WNK1: variants seen among roughly 807,000 people sequenced by gnomAD.
The protein encoded by WNK1 is serine/threonine-protein kinase WNK1.
In WNK1, 38 loss-of-function variants were observed where a neutral mutation model predicts 222.8. That is an observed-to-expected ratio of 0.17 (90% CI 0.13 to 0.22). The LOEUF (loss-of-function observed/expected upper bound fraction) is 0.22. Ranked by LOEUF, WNK1 falls within the 10% of genes least tolerant of loss-of-function variation. The pLI, the probability that WNK1 is intolerant of heterozygous loss-of-function variation, is 1.00. For synonymous variants in WNK1, 1,090 were observed against 1,092.9 expected, an observed-to-expected ratio of 1.00 and a Z score of 0.05; for missense variants, 2,348 against 2,918.4, an observed-to-expected ratio of 0.80 and a Z score of 4.50.
chr12:789,446 A>AT (rs1453498039), intron 1 of WNK1, among the ~76,000 whole-genome samples: 1 of 150,094 alleles, frequency 6.7e-6, no homozygotes, highest in Non-Finnish European at 1.5e-5. Flanking sequence ...TAAAATTTAG[A>AT]TTTTGTCCCC....
chr12:857,295 A>C, intron 5 of WNK1, 46 bp downstream of exon 5: 1 of 1,526,034 alleles, frequency 6.6e-7, no homozygotes, highest in Non-Finnish European at 9.1e-7. Flanking sequence ...CAAAACCTAA[A>C]AAGTAATGTG....
At chr12:877,893 GGGAAA>G (rs1952773448) in intron 9 of WNK1, 1 of 360,922 alleles carries the variant, frequency 2.8e-6, no homozygotes, top group Non-Finnish European at 5.3e-6. Flanking sequence ...GGATGGGATG[GGGAAA>G]GGAACTGTCT....
intron 1 of WNK1, among the ~76,000 whole-genome samples, chr12:767,672 A>G (rs535987533): frequency 1.4e-4 from 21 of 152,210 alleles, no homozygotes; most frequent in African/African-American, 4.8e-4. Context: ...GTGTGGGTTC[A>G]GGGTGAGGGA....
In WNK1 at chr12:753,440, T is replaced by G. The variant is rs1315919721; in HGVS notation, c.-126T>G. 50 of 1,280,378 alleles carry G rather than the reference T, an allele frequency of 3.9e-5. 2 individuals carry two copies. The South Asian group carries it at 6.1e-4, about 16-fold the overall frequency. The allele number at this position is 1,280,378 out of a possible 1,614,324, so 79.3% of individuals were successfully genotyped here. On this transcript the variant is annotated 5_prime_UTR_variant, in exon 1 of 28. Transcript: ENST00000315939. The surrounding 1 kb of genome is among the most constrained non-coding windows in gnomAD (Gnocchi z 5.2). ...CGGCTTGTCGGTGCTGAGTGAGGCGTCGTCCGGGTCGGCGCGAACCCGCCC... is the reference window on the plus strand; with the variant it reads ...CGGCTTGTCGGTGCTGAGTGAGGCGGCGTCCGGGTCGGCGCGAACCCGCCC...
At position 885,900 on chromosome 12, in the gene WNK1, C is replaced by G; in HGVS notation, c.5096C>G (p.Pro1699Arg). 1.2e-6 allele frequency: 2 copies of G among 1,609,546 alleles called. No individual in the cohort carries two copies. Among genetic ancestry groups the G allele is most frequent in the Non-Finnish European group, 1.7e-6 (2 of 1,176,924 alleles). Reference protein sequence around the residue: ...TPGIPTTAVAPSKLLTSTTST... With the variant: ...TPGIPTTAVARSKLLTSTTST... ...GGCATCCCAACTACTGCTGTTGCAC[C>G]AAGCAAACTCCTGACTTCTACCACA... Residue 1699 changes from proline to arginine, a missense_variant, in exon 19 of 28, where the codon CCA (proline) becomes CGA (arginine). Transcript: ENST00000315939.
chr12:848,949 GT>G (rs1408459215), intron 4 of WNK1, among the ~76,000 whole-genome samples: 2 of 152,114 alleles, frequency 1.3e-5, no homozygotes, highest in African/African-American at 4.8e-5. Flanking sequence ...GCCTAATAGA[GT>G]TTTAAAACTA....
chr12:843,088 A>G (rs1433622710), intron 4 of WNK1, among the ~76,000 whole-genome samples: 1 of 152,180 alleles, frequency 6.6e-6, no homozygotes, highest in Non-Finnish European at 1.5e-5. Context: ...GGCACCCGCC[A>G]CCATGCCCAA....
intron 1 of WNK1, among the ~76,000 whole-genome samples, chr12:768,935 G>A (rs970658157): frequency 2.9e-4 from 44 of 149,804 alleles, no homozygotes; most frequent in African/African-American, 9.8e-4. Context: ...TCAGCCTCCC[G>A]AGTAGCTGGG....
chr12:794,290 G>A (rs1349058348), intron 1 of WNK1, among the ~76,000 whole-genome samples: 1 of 152,092 alleles, frequency 6.6e-6, no homozygotes, highest in Non-Finnish European at 1.5e-5. Context: ...TGAAATTGCT[G>A]GGTTATATGG....
At chr12:883,283 G>A in intron 15 of WNK1, 112 bp from the exon 16 acceptor site, 1 of 1,310,496 alleles carries the variant, frequency 7.6e-7, no homozygotes, top group Non-Finnish European at 1.1e-6. Context: ...GCTAACTTGA[G>A]TACAAAATAA....
At chr12:835,919 A>C (rs1591932549) in intron 4 of WNK1, among the ~76,000 whole-genome samples, 1 of 151,736 alleles carries the variant, frequency 6.6e-6, no homozygotes, top group African/African-American at 2.4e-5. Flanking sequence ...GCGCCATTGC[A>C]CTCCAGCCTG....
rs1956057468 is a variant in WNK1 at position 911,199 on chromosome 12, CTT to C, written c.*2409_*2410del. 7.5e-6 allele frequency: 3 copies of C among 398,066 alleles called. No individual in the cohort carries two copies. Among genetic ancestry groups the C allele is most frequent in the East Asian group, 7.1e-5 (2 of 28,014 alleles). The allele number at this position is 398,066 out of a possible 1,614,324, so 24.7% of individuals were successfully genotyped here. A position where few individuals can be genotyped will look rare whatever the true frequency, so the allele number is the denominator to read the frequency against. ...AAATTATTTTTGTGTTAATAGTACA[CTT>C]TGAGTATCTTTTTCCACATTAAAAA... On this transcript the variant is annotated 3_prime_UTR_variant, in exon 28 of 28. Transcript: ENST00000315939.
chr12:862,120 C>T lies in WNK1; in HGVS notation c.1989C>T (p.Val663=), dbSNP rs373611151. 1.2e-5 allele frequency: 20 copies of T among 1,613,930 alleles called. No homozygotes were observed. Among genetic ancestry groups the T allele is most frequent in the Admixed American group, 1.7e-5 (1 of 59,984 alleles). Residue 663 remains valine (V), a synonymous_variant, in exon 8 of 28, where the codon GTC becomes GTT. Coordinates refer to ENST00000315939, the MANE Select transcript of WNK1 (RefSeq NM_018979.4). ...GTVDSGQGSS[V]FTESRVSSQQ... ...TTGACAGTGGTCAGGGATCCTCTGT[C>T]TTCACAGAATCTCGAGTGAGCAGCC...
intron 1 of WNK1, among the ~76,000 whole-genome samples, chr12:761,151 G>A (rs1314013799): frequency 6.8e-6 from 1 of 147,488 alleles, no homozygotes; most frequent in Non-Finnish European, 1.5e-5. Context: ...TCAGTAAGCT[G>A]TGGTTTTGTG....
intron 1 of WNK1, among the ~76,000 whole-genome samples, chr12:787,931 ATAT>A (rs1944470003): frequency 6.6e-6 from 1 of 152,142 alleles, no homozygotes; most frequent in South Asian, 2.1e-4. Context: ...TAACAGATAG[ATAT>A]TATATGTAAT....
intron 1 of WNK1, among the ~76,000 whole-genome samples, chr12:791,082 G>A (rs1035889069): frequency 6.6e-6 from 1 of 152,012 alleles, no homozygotes; most frequent in African/African-American, 2.4e-5. Flanking sequence ...ATTTGAAAAA[G>A]GGGGTATAAA....
chr12:841,361 A>G (rs1949611562), intron 4 of WNK1, among the ~76,000 whole-genome samples: 1 of 152,220 alleles, frequency 6.6e-6, no homozygotes, highest in African/African-American at 2.4e-5. Flanking sequence ...GAATTATACA[A>G]TAAGTGGCAT....
chr12:758,548 C>T (rs7959060), intron 1 of WNK1, among the ~76,000 whole-genome samples: 83,418 of 142,178 alleles, frequency 0.59, 27,930 homozygotes, highest in East Asian at 0.86. Flanking sequence ...CCACCGTGCC[C>T]GGCTAATTTT....
chr12:831,462 C>T (rs1049815509), intron 4 of WNK1, among the ~76,000 whole-genome samples: 2 of 151,414 alleles, frequency 1.3e-5, no homozygotes, highest in African/African-American at 2.4e-5. Flanking sequence ...CTCTGGAACC[C>T]GGGAGATGGA....
Sources: gnomAD v4.1 joint callset for allele counts (sites outside exome capture counted in the v4.1 genomes callset) on GRCh38, gnomAD v4.1.1 for gene constraint, Gnocchi (gnomAD v3.1) non-coding constraint, MANE v1.5 for transcripts, NCBI Gene and HGNC (gene_info 2026-07-23, HGNC 2026-07-21) for gene names.